The following VPS13D variants were observed in gnomAD, a reference collection of about 807,000 sequenced individuals.
The protein encoded by VPS13D is vacuolar protein sorting 13 homolog D, also known as intermembrane lipid transfer protein VPS13D.
In VPS13D, 187 loss-of-function variants were observed where a neutral mutation model predicts 461.9. The ratio of observed to expected loss-of-function variants is 0.40; its 90% CI spans 0.36 to 0.46. VPS13D has a LOEUF of 0.46. Ranked by LOEUF, VPS13D falls within the 20% of genes least tolerant of loss-of-function variation. VPS13D has a pLI of 0.60. For synonymous variants in VPS13D, 1,951 were observed against 1,986.3 expected, an observed-to-expected ratio of 0.98 and a Z score of 0.47; for missense variants, 4,711 against 5,364.9, an observed-to-expected ratio of 0.88 and a Z score of 3.81.
intron 38 of VPS13D, among the ~76,000 whole-genome samples, chr1:12,335,189 A>G (rs1557716752): frequency 6.6e-6 from 1 of 152,078 alleles, no homozygotes; most frequent in Non-Finnish European, 1.5e-5. Context: ...GCCTCAGCCT[A>G]CTGAGTAGCT....
chr1:12,375,210 C>T (rs961823210), intron 55 of VPS13D, among the ~76,000 whole-genome samples: 4 of 152,194 alleles, frequency 2.6e-5, no homozygotes, highest in Non-Finnish European at 4.4e-5. Flanking sequence ...TGCCATTTCT[C>T]CAGGGAGCCC....
At chr1:12,373,396 CAG>C (rs967990915) in intron 54 of VPS13D, among the ~76,000 whole-genome samples, 1 of 151,964 alleles carries the variant, frequency 6.6e-6, no homozygotes, top group East Asian at 1.9e-4. Flanking sequence ...GCTGGGATTA[CAG>C]GCAGGAGCCA....
intron 52 of VPS13D, 57 bp from the exon 53 acceptor site, chr1:12,368,411 G>A: frequency 1.3e-6 from 2 of 1,541,974 alleles, no homozygotes; most frequent in South Asian, 2.5e-5. Flanking sequence ...AGAAGTAAGT[G>A]GATGGCATCT....
rs1640945386 is a variant in VPS13D, at chr1:12,257,044, G to T, written c.898G>T (p.Val300Leu). ...GGAGCTGGAACGAAAGGAGAGGCAG[G>T]TGAAGTTCCGAAGGTGGAAACCCAA... ...LKELERKERQ[V>L]KFRRWKPKVA... is the part of the protein sequence containing the mutation. Residue 300 changes from valine to leucine, a missense_variant, in exon 9 of 70, where the codon GTG becomes TTG. Physicochemically the swap from Val to Leu is conservative, Grantham distance 32. Around this residue, in one of 3 missense-constraint regions of VPS13D, gnomAD observed 4,411 missense variants for 4,937.8 expected, o/e 0.89. Transcript: ENST00000620676. 1 of 1,614,176 alleles carries T rather than the reference G, an allele frequency of 6.2e-7. No homozygotes were observed. Among genetic ancestry groups the T allele is most frequent in the Non-Finnish European group, 8.5e-7 (1 of 1,180,036 alleles).
Position 12,308,643 on chromosome 1 carries a change from T to G in VPS13D, c.6650+2T>G. ...GCAGGTGGAAAGGAATTTGGACAAG[T>G]GAGTGTTTTTTTTTTTTTTTGAGAT... On this transcript the variant is annotated splice_donor_variant, in intron 27 of 69. Transcript: ENST00000620676. LOFTEE classifies it high-confidence loss of function. 2 of 1,607,278 alleles carry G rather than the reference T, an allele frequency of 1.2e-6. No homozygotes were observed. The highest frequency in any genetic ancestry group is 1.1e-5 in the South Asian group (1 of 89,990).
At chr1:12,325,900 C>T (rs1239308009) in intron 35 of VPS13D, among the ~76,000 whole-genome samples, 2 of 149,424 alleles carry the variant, frequency 1.3e-5, no homozygotes, top group African/African-American at 2.5e-5. Flanking sequence ...TTAAGTATAT[C>T]CTTGGTAGAG....
rs758423153 is a variant in VPS13D, at chr1:12,276,362, G to C, written c.2774G>C (p.Gly925Ala). ...ATTTTTCCCCAGGAGGAGCAGCGGG[G>C]AAGTTTGCAAGACTCCGTAATGAAT... The part of the protein sequence containing the change: ...EKIFPQEEQR[G>A]SLQDSVMNLT... The change falls in exon 19 of 70, where the codon GGA becomes GCA. Residue 925 changes from glycine to alanine, a missense_variant. Gly to Ala is a moderately conservative substitution (Grantham distance 60). This residue lies in a region of VPS13D where 4,411 missense variants were observed against 4,937.8 expected (regional missense o/e 0.89). Coordinates refer to ENST00000620676, the MANE Select transcript of VPS13D (RefSeq NM_015378.4). This position sits in a 1 kb window ranked among gnomAD's most constrained non-coding sequence, Gnocchi z 4.5. 14 of 1,614,150 alleles carry C rather than the reference G, an allele frequency of 8.7e-6. No homozygotes were observed. Among genetic ancestry groups the C allele is most frequent in the East Asian group, 2.2e-5 (1 of 44,872 alleles).
At chr1:12,446,190 G>T (rs1269407869) in intron 65 of VPS13D, among the ~76,000 whole-genome samples, 1 of 152,154 alleles carries the variant, frequency 6.6e-6, no homozygotes, top group Non-Finnish European at 1.5e-5. Context: ...GCCAAGGTGG[G>T]CGGATCATGA....
chr1:12,311,932 C>A lies in VPS13D; in HGVS notation c.6935+7C>A. 2.5e-6 allele frequency: 4 copies of A among 1,602,562 alleles called. No individual in the cohort carries two copies. Among genetic ancestry groups the A allele is most frequent in the Non-Finnish European group, 3.4e-6 (4 of 1,170,200 alleles). ...GTGCTGGGTCCCTAGCCAGGTATGC[C>A]TTTGATTATATTATTATACTGTTAG... On this transcript the variant is annotated splice_region_variant and intron_variant, in intron 29 of 69. Transcript: ENST00000620676.
At chr1:12,263,640 A>T (rs998833573) in intron 13 of VPS13D, among the ~76,000 whole-genome samples, 1 of 152,330 alleles carries the variant, frequency 6.6e-6, no homozygotes, top group African/African-American at 2.4e-5. Flanking sequence ...AAATATTTTT[A>T]TTTCGGTCCA....
intron 67 of VPS13D, among the ~76,000 whole-genome samples, chr1:12,472,399 C>A (rs1053147263): frequency 2.0e-5 from 3 of 152,126 alleles, no homozygotes; most frequent in Non-Finnish European, 4.4e-5. Flanking sequence ...AGCCTTTTAA[C>A]CAATCTTCCT....
chr1:12,301,301 C>G (rs536462779), intron 25 of VPS13D, among the ~76,000 whole-genome samples: 47 of 152,182 alleles, frequency 3.1e-4, no homozygotes, highest in Non-Finnish European at 5.6e-4. Flanking sequence ...AAAGACTGCT[C>G]CCCACTCAGA....
intron 29 of VPS13D, 21 bp downstream of exon 29, chr1:12,311,946 T>G: frequency 6.3e-7 from 1 of 1,580,812 alleles, no homozygotes; most frequent in Non-Finnish European, 8.7e-7. Context: ...GATTATATTA[T>G]TATACTGTTA....
At chr1:12,410,548 A>T (rs1026524986) in intron 63 of VPS13D, among the ~76,000 whole-genome samples, 4 of 152,234 alleles carry the variant, frequency 2.6e-5, no homozygotes, top group South Asian at 2.1e-4. Context: ...GAAAAAACAA[A>T]CACTAGAAAC....
chr1:12,281,972 G>A (rs1313131361), intron 20 of VPS13D, among the ~76,000 whole-genome samples: 1 of 151,058 alleles, frequency 6.6e-6, no homozygotes, highest in Non-Finnish European at 1.5e-5. Flanking sequence ...ACTGTGTCCT[G>A]CACCTCCTGG....
chr1:12,322,773 C>A (rs767624402), intron 34 of VPS13D, 27 bp downstream of exon 34: 4 of 1,602,878 alleles, frequency 2.5e-6, no homozygotes, highest in Non-Finnish European at 3.4e-6. Flanking sequence ...AAAACCCACT[C>A]AGTCTTGCTA....
intron 52 of VPS13D, 140 bp downstream of exon 52, chr1:12,363,387 T>G: frequency 1.2e-6 from 1 of 851,416 alleles, no homozygotes. Flanking sequence ...TCCAGGGAAG[T>G]GTGAGGGGAT....
chr1:12,309,977 C>G (rs1642687300), intron 27 of VPS13D, among the ~76,000 whole-genome samples: 1 of 151,998 alleles, frequency 6.6e-6, no homozygotes, highest in South Asian at 2.1e-4. Context: ...TGCTCCCTGG[C>G]TGGTGTTCAG....
Position 12,330,055 on chromosome 1 carries a change from C to T in VPS13D, c.8287+137C>T, listed in dbSNP as rs1643291254. The T allele has an allele frequency of 1.3e-5, 9 of 671,622 alleles. No individual in the cohort carries two copies. In the South Asian group the frequency reaches 1.7e-4, roughly 13 times the overall value. 41.6% of individuals were successfully genotyped at this position (671,622 alleles called of 1,614,324 possible). A position where few individuals can be genotyped will look rare whatever the true frequency, so the allele number is the denominator to read the frequency against. On this transcript the variant is annotated intron_variant, in intron 37 of 69. Coordinates refer to ENST00000620676, the MANE Select transcript of VPS13D (RefSeq NM_015378.4). ...CGGGGAAAGATGAAAAGCAAGTAGA[C>T]TGCATAAACACAGAAAATAAGGATT...
Sources: gnomAD v4.1 joint callset for allele counts (sites outside exome capture counted in the v4.1 genomes callset) on GRCh38, gnomAD v4.1.1 for gene constraint, gnomAD v4.1.1 regional missense constraint, Gnocchi (gnomAD v3.1) non-coding constraint, MANE v1.5 for transcripts, NCBI Gene and HGNC (gene_info 2026-07-23, HGNC 2026-07-21) for gene names.